Variants in ASTN2 observed in about 807,000 individuals in gnomAD.
The protein encoded by ASTN2 is astrotactin 2.
In ASTN2, 54 loss-of-function variants were observed where a neutral mutation model predicts 139.8. The observed-to-expected ratio is 0.39, with a 90% confidence interval of 0.31 to 0.48. The LOEUF is 0.48. ASTN2 is among the 20% of genes least tolerant of loss of function. ASTN2 has a pLI of 0.95. For missense variants in ASTN2, 1,565 were observed against 1,725.1 expected (o/e 0.91, Z 1.64); for synonymous variants, 756 against 719.5 (o/e 1.05, Z -0.81).
intron 4 of ASTN2, among the ~76,000 whole-genome samples, chr9:117,112,163 T>A (rs1380250096): frequency 6.6e-6 from 1 of 152,014 alleles, no homozygotes; most frequent in Non-Finnish European, 1.5e-5. Context: ...ATATACCATG[T>A]TTGCAGATTG....
intron 2 of ASTN2, 56 bp downstream of exon 2, chr9:117,291,270 C>T (rs1834582906): frequency 6.3e-7 from 1 of 1,593,082 alleles, no homozygotes; most frequent in Non-Finnish European, 8.6e-7. Flanking sequence ...TCCATCTCTC[C>T]ACCCATTCCT....
In ASTN2 at chr9:116,937,349, T is replaced by C. The variant is rs188418023; in HGVS notation, c.1889+37859A>G. Reference sequence around the variant, plus strand: ...CCATCACTCTAGTCATCCAGGGCAATCTGCCTGCTCCTGAACATGTTAGAT... The same window carrying C: ...CCATCACTCTAGTCATCCAGGGCAACCTGCCTGCTCCTGAACATGTTAGAT... On this transcript the variant is annotated intron_variant, in intron 10 of 22. Transcript: ENST00000313400. Among the ~76,000 whole-genome samples, 9 of 152,290 alleles carry C rather than the reference T, an allele frequency of 5.9e-5. No homozygotes were observed. In the East Asian group the frequency reaches 1.7e-3, roughly 29 times the overall value.
intron 6 of ASTN2, among the ~76,000 whole-genome samples, chr9:117,030,694 A>T (rs1311998066): frequency 6.6e-6 from 1 of 151,994 alleles, no homozygotes. Context: ...AAGGCAGAAA[A>T]TGGCTTAAAT....
intron 20 of ASTN2, among the ~76,000 whole-genome samples, chr9:116,444,924 A>C (rs1477417025): frequency 6.6e-6 from 1 of 152,186 alleles, no homozygotes. Context: ...CAAGATCATA[A>C]ATAAATTTAA....
intron 3 of ASTN2, among the ~76,000 whole-genome samples, chr9:117,198,949 G>T (rs528212339): frequency 6.6e-6 from 1 of 152,108 alleles, no homozygotes; most frequent in Non-Finnish European, 1.5e-5. Flanking sequence ...AGAAGTGTCT[G>T]TTCATATCCT....
At chr9:117,133,213 C>A (rs1266611684) in intron 4 of ASTN2, among the ~76,000 whole-genome samples, 1 of 152,200 alleles carries the variant, frequency 6.6e-6, no homozygotes, top group Non-Finnish European at 1.5e-5. Context: ...AAATTAACAA[C>A]AACAAAGATT....
intron 13 of ASTN2, among the ~76,000 whole-genome samples, chr9:116,754,970 G>T (rs145001767): frequency 6.6e-6 from 1 of 152,028 alleles, no homozygotes; most frequent in Non-Finnish European, 1.5e-5. Context: ...ACCTGGACAC[G>T]GACTCATCAC....
intron 5 of ASTN2, among the ~76,000 whole-genome samples, chr9:117,075,965 C>A (rs1306443623): frequency 6.6e-6 from 1 of 152,162 alleles, no homozygotes; most frequent in Non-Finnish European, 1.5e-5. Flanking sequence ...CAGCAGGCAT[C>A]CCACCATTTA....
intron 5 of ASTN2, among the ~76,000 whole-genome samples, chr9:117,084,275 T>C (rs1446423739): frequency 6.6e-6 from 1 of 152,186 alleles, no homozygotes; most frequent in Non-Finnish European, 1.5e-5. Flanking sequence ...TCTCTGTCCG[T>C]GAGAGAAACT....
At chr9:117,033,471 C>T (rs1002600043) in intron 6 of ASTN2, among the ~76,000 whole-genome samples, 2 of 151,996 alleles carry the variant, frequency 1.3e-5, no homozygotes, top group African/African-American at 4.8e-5. Context: ...GCTATTATCC[C>T]CAATTTATAG....
intron 1 of ASTN2, among the ~76,000 whole-genome samples, chr9:117,360,008 C>T (rs1316665434): frequency 6.6e-6 from 1 of 152,106 alleles, no homozygotes; most frequent in African/African-American, 2.4e-5. Context: ...GATGCAAGCC[C>T]GTTGGCTTTG....
At chr9:117,181,052 C>A in intron 3 of ASTN2, 1 of 1,469,380 alleles carries the variant, frequency 6.8e-7, no homozygotes, top group Non-Finnish European at 9.4e-7. Flanking sequence ...GAAACATAAA[C>A]ATACATCTGA....
intron 19 of ASTN2, among the ~76,000 whole-genome samples, chr9:116,618,006 C>G (rs1282604756): frequency 6.6e-6 from 1 of 152,106 alleles, no homozygotes; most frequent in African/African-American, 2.4e-5. Flanking sequence ...CAGATCAAGC[C>G]CTTCAAGCAT....
chr9:117,300,469 C>A (rs993914035), intron 1 of ASTN2, among the ~76,000 whole-genome samples: 1 of 152,140 alleles, frequency 6.6e-6, no homozygotes, highest in Non-Finnish European at 1.5e-5. Context: ...AAGAAAGTCA[C>A]AATCTAGGAG....
At chr9:116,626,447 C>A (rs1470035128) in intron 17 of ASTN2, among the ~76,000 whole-genome samples, 2 of 151,692 alleles carry the variant, frequency 1.3e-5, no homozygotes, top group African/African-American at 4.8e-5. Flanking sequence ...GATGTTCTGC[C>A]AAGGATTAAA....
chr9:116,666,904 T>C (rs1187986745), intron 16 of ASTN2, among the ~76,000 whole-genome samples: 13 of 150,870 alleles, frequency 8.6e-5, no homozygotes, highest in Non-Finnish European at 1.5e-4. Context: ...GAACACCATA[T>C]AGACATTTTG....
chr9:116,505,945 G>C (rs943943561), intron 19 of ASTN2, among the ~76,000 whole-genome samples: 1 of 152,106 alleles, frequency 6.6e-6, no homozygotes, highest in African/African-American at 2.4e-5. Flanking sequence ...CCCTCAAAGA[G>C]GTTTGTCCTG....
chr9:116,951,462 G>T (rs1412915622), intron 10 of ASTN2, among the ~76,000 whole-genome samples: 2 of 149,088 alleles, frequency 1.3e-5, no homozygotes, highest in African/African-American at 4.9e-5. Context: ...TTATAGTTAA[G>T]TCAGTTAGGT....
chr9:116,582,428 C>G (rs544946583), intron 19 of ASTN2: 9 of 152,334 alleles, frequency 5.9e-5, no homozygotes, highest in African/African-American at 2.2e-4. Context: ...GTGCCACATA[C>G]TAATGTCCAT....
Sources: allele counts gnomAD v4.1 joint callset (sites outside exome capture counted in the v4.1 genomes callset), GRCh38; gene constraint gnomAD v4.1.1; transcripts MANE v1.5; gene names NCBI Gene and HGNC (gene_info 2026-07-23, HGNC 2026-07-21).